Variants in LMX1B observed in about 807,000 individuals in gnomAD.
LMX1B encodes the protein LIM homeobox transcription factor 1 beta.
LMX1B carries 12 observed loss-of-function variants against 51.4 expected under a neutral mutation model. The observed-to-expected ratio is 0.23, with a 90% CI of 0.15 to 0.38. The LOEUF is 0.38. Among genes scored for constraint, LMX1B ranks in the 10% least tolerant of loss-of-function variants. LMX1B has a pLI of 1.00. For synonymous variants in LMX1B, 237 were observed against 235.4 expected (o/e 1.01, Z -0.06); for missense variants, 445 against 571.1 (o/e 0.78, Z 2.25).
chr9:126,640,007 G>C (rs968046814), intron 2 of LMX1B, among the ~76,000 whole-genome samples: 6 of 152,226 alleles, frequency 3.9e-5, no homozygotes, highest in Admixed American at 6.5e-5. Flanking sequence ...TGGGAAATTT[G>C]ATTTCTTTTT....
chr9:126,690,536 C>G (rs1292534558), intron 2 of LMX1B, among the ~76,000 whole-genome samples: 1 of 152,226 alleles, frequency 6.6e-6, no homozygotes, highest in African/African-American at 2.4e-5. Context: ...TTGAGTGGAC[C>G]CTCCACACTG....
intron 2 of LMX1B, among the ~76,000 whole-genome samples, chr9:126,675,926 G>A (rs1218876696): frequency 1.3e-5 from 2 of 148,816 alleles, no homozygotes; most frequent in Admixed American, 6.7e-5. Context: ...GCGGGCACCT[G>A]TAGTCCCAGC....
chr9:126,696,088 C>T, intron 7 of LMX1B, 85 bp downstream of exon 7: 4 of 1,316,102 alleles, frequency 3.0e-6, no homozygotes, highest in Non-Finnish European at 4.1e-6. Flanking sequence ...AGGACAGCCA[C>T]CTGCTGCCCT....
At chr9:126,624,108 C>T (rs557031008) in intron 2 of LMX1B, among the ~76,000 whole-genome samples, 72 of 152,380 alleles carry the variant, frequency 4.7e-4, no homozygotes, top group African/African-American at 1.7e-3. Context: ...AAGCGCAGCC[C>T]TTTCACCCAG....
At position 126,614,099 on chromosome 9, in the gene LMX1B, TGCCGCCGCCGCCACCGCCACCGCC is replaced by T. The variant is rs1374904737; in HGVS notation, c.-341_-318del. ...CTGCACCCCCACCCCCTCCCCCGCC[TGCCGCCGCCGCCACCGCCACCGCC>T]GCCGCCGCCTCCTCCCCGCGGCTCC... On this transcript the variant is annotated 5_prime_UTR_variant, in exon 1 of 8. Coordinates refer to ENST00000373474, the MANE Select transcript of LMX1B (RefSeq NM_001174147.2). 9.7e-6 allele frequency among the ~76,000 whole-genome samples: 1 copy of T among 103,316 alleles called. No individual in the cohort carries two copies. The highest frequency in any genetic ancestry group is 2.1e-5 in the Non-Finnish European group (1 of 47,658). The allele number at this position is 103,316 out of a possible 152,430, so 67.8% of individuals were successfully genotyped here.
chr9:126,664,399 C>T (rs1564159938), intron 2 of LMX1B, among the ~76,000 whole-genome samples: 2 of 152,188 alleles, frequency 1.3e-5, no homozygotes, highest in Non-Finnish European at 2.9e-5. Flanking sequence ...AAACAGACAG[C>T]CCCAGGGATG....
intron 3 of LMX1B, among the ~76,000 whole-genome samples, chr9:126,691,397 G>A (rs962619758): frequency 6.6e-6 from 1 of 152,128 alleles, no homozygotes; most frequent in Non-Finnish European, 1.5e-5. Flanking sequence ...TGTATGTGGA[G>A]ATATGTGTTC....
chr9:126,645,560 C>G lies in LMX1B; in HGVS notation c.326+29991C>G, dbSNP rs77705036. On this transcript the variant is annotated intron_variant, in intron 2 of 7. Transcript: ENST00000373474. The stretch of plus-strand genomic sequence containing the variant: ...GTTCAGTGAACAACCTACACAACCA[C>G]ATAGGGCAGCCTGCTGGGGGAAGAT... Among the ~76,000 whole-genome samples, 263 of 152,340 alleles carry G rather than the reference C, an allele frequency of 1.7e-3. 3 individuals carry two copies. The highest frequency in any genetic ancestry group is 6.0e-3 in the African/African-American group (248 of 41,582).
At position 126,615,449 on chromosome 9, in the gene LMX1B, T is replaced by TG. The variant is rs2118823366; in HGVS notation, c.207dup (p.Arg70AlafsTer78). 1 of 1,609,622 alleles carries TG rather than the reference T, an allele frequency of 6.2e-7. No individual in the cohort carries two copies. The highest frequency in any genetic ancestry group is 8.5e-7 in the Non-Finnish European group (1 of 1,178,148). On this transcript the variant is annotated frameshift_variant, in exon 2 of 8. Coordinates refer to ENST00000373474, the MANE Select transcript of LMX1B (RefSeq NM_001174147.2). LOFTEE classifies it high-confidence loss of function. The surrounding 1 kb of genome is among the most constrained non-coding windows in gnomAD (Gnocchi z 6.0). ...CGGCCCATCTCCGACCGCTTCCTGATGCGAGTCAACGAGTCGTCCTGGCAC... is the reference window on the plus strand; with the variant it reads ...CGGCCCATCTCCGACCGCTTCCTGATGGCGAGTCAACGAGTCGTCCTGGCAC...
rs939176150 is a variant in LMX1B at position 126,673,149 on chromosome 9, C to A, written c.327-17687C>A. Among the ~76,000 whole-genome samples, 1 of 152,126 alleles carries A rather than the reference C, an allele frequency of 6.6e-6. No homozygotes were observed. Among genetic ancestry groups the A allele is most frequent in the African/African-American group, 2.4e-5 (1 of 41,428 alleles). ...ACTCATTCTCCTTGCCTTCCAGGGT[C>A]GAGAGGAGATGAGAACTCCAGAAGC... On this transcript the variant is annotated intron_variant, in intron 2 of 7. Transcript: ENST00000373474. The surrounding 1 kb of genome is among the most constrained non-coding windows in gnomAD (Gnocchi z 4.4).
chr9:126,664,868 G>A (rs1275451271), intron 2 of LMX1B, among the ~76,000 whole-genome samples: 3 of 152,168 alleles, frequency 2.0e-5, no homozygotes, highest in African/African-American at 4.8e-5. Context: ...GAGAGACTCC[G>A]TCTGGAAAAA....
chr9:126,665,914 G>C lies in LMX1B; in HGVS notation c.327-24922G>C, dbSNP rs560362307. On this transcript the variant is annotated intron_variant, in intron 2 of 7. Coordinates refer to ENST00000373474, the MANE Select transcript of LMX1B (RefSeq NM_001174147.2). Reference sequence around the variant, plus strand: ...CATTGTCTCCAGGGTGAATGCAAACGCTGACCAGAACCCAGCAGGCAGCAT... The same window carrying C: ...CATTGTCTCCAGGGTGAATGCAAACCCTGACCAGAACCCAGCAGGCAGCAT... Among the ~76,000 whole-genome samples the C allele has an allele frequency of 2.0e-5, 3 of 152,366 alleles. No homozygotes were observed. In the East Asian group the frequency reaches 5.8e-4, roughly 29 times the overall value.
At chr9:126,657,699 A>G (rs903106085) in intron 2 of LMX1B, among the ~76,000 whole-genome samples, 7 of 152,242 alleles carry the variant, frequency 4.6e-5, no homozygotes, top group Non-Finnish European at 5.9e-5. Flanking sequence ...GCATCCATTC[A>G]TTCATTCAGG....
In LMX1B at chr9:126,677,344, C is replaced by A. The variant is rs1334359995; in HGVS notation, c.327-13492C>A. Among the ~76,000 whole-genome samples, 1 of 152,224 alleles carries A rather than the reference C, an allele frequency of 6.6e-6. No individual in the cohort carries two copies. The highest frequency in any genetic ancestry group is 1.5e-5 in the Non-Finnish European group (1 of 68,042). On this transcript the variant is annotated intron_variant, in intron 2 of 7. Coordinates refer to ENST00000373474, the MANE Select transcript of LMX1B (RefSeq NM_001174147.2). The surrounding 1 kb of genome is among the most constrained non-coding windows in gnomAD (Gnocchi z 5.0). ...GGAGTCCTGCTCCTCTCTGGCACCCCCTTCTCAAGATATTCTCTCAGGCCT... is the reference window on the plus strand; with the variant it reads ...GGAGTCCTGCTCCTCTCTGGCACCCACTTCTCAAGATATTCTCTCAGGCCT...
At chr9:126,632,753 G>A (rs1835654716) in intron 2 of LMX1B, among the ~76,000 whole-genome samples, 1 of 152,170 alleles carries the variant, frequency 6.6e-6, no homozygotes, top group East Asian at 1.9e-4. Context: ...CTAAGGCCTT[G>A]AGGTCCTGAG....
At chr9:126,642,931 T>G (rs996226907) in intron 2 of LMX1B, among the ~76,000 whole-genome samples, 1 of 152,022 alleles carries the variant, frequency 6.6e-6, no homozygotes, top group Admixed American at 6.6e-5. Flanking sequence ...TGTGTCTGGG[T>G]GTTAAGTGGA....
chr9:126,633,093 A>T (rs772628639), intron 2 of LMX1B, among the ~76,000 whole-genome samples: 2 of 151,696 alleles, frequency 1.3e-5, no homozygotes, highest in Non-Finnish European at 2.9e-5. Context: ...TCTTCTGGAA[A>T]ACTCTCCCTA....
intron 2 of LMX1B, among the ~76,000 whole-genome samples, chr9:126,662,425 C>T (rs1219072357): frequency 6.6e-6 from 1 of 152,170 alleles, no homozygotes; most frequent in African/African-American, 2.4e-5. Context: ...TCAATTTCCT[C>T]GGCTGTAAAG....
chr9:126,664,759 C>T (rs1836311249), intron 2 of LMX1B, among the ~76,000 whole-genome samples: 1 of 152,150 alleles, frequency 6.6e-6, no homozygotes, highest in Non-Finnish European at 1.5e-5. Flanking sequence ...CCTGTAATCC[C>T]ACCTACTTAG....
Sources: gnomAD v4.1 joint callset for allele counts (sites outside exome capture counted in the v4.1 genomes callset) on GRCh38, gnomAD v4.1.1 for gene constraint, Gnocchi (gnomAD v3.1) non-coding constraint, MANE v1.5 for transcripts, NCBI Gene and HGNC (gene_info 2026-07-23, HGNC 2026-07-21) for gene names.